Variants in RALYL observed in about 807,000 individuals in gnomAD.
RALYL encodes the protein RALY RNA binding protein like.
In RALYL, 29 loss-of-function variants were observed where a neutral mutation model predicts 35.1. The ratio of observed to expected loss-of-function variants is 0.83; its 90% CI spans 0.61 to 1.13. The LOEUF (loss-of-function observed/expected upper bound fraction) is 1.13, where lower values mean the gene tolerates loss of function less well. Ranked by LOEUF, RALYL falls within the 50% of genes most tolerant of loss-of-function variation. RALYL has a pLI of 0.00. For synonymous variants in RALYL, 120 were observed against 127.6 expected, an observed-to-expected ratio of 0.94 and a Z score of 0.40; for missense variants, 359 against 360.4, an observed-to-expected ratio of 1.00 and a Z score of 0.03.
At chr8:84,528,991 C>T (rs762141385) in intron 1 of RALYL, among the ~76,000 whole-genome samples, 2 of 152,082 alleles carry the variant, frequency 1.3e-5, no homozygotes. Flanking sequence ...TTTCCTCAAA[C>T]TTTCTTTTGC....
chr8:84,815,704 A>C (rs1248402001), intron 4 of RALYL, among the ~76,000 whole-genome samples: 1 of 152,060 alleles, frequency 6.6e-6, no homozygotes, highest in African/African-American at 2.4e-5. Context: ...TGATCTTGGA[A>C]ATAAGCTGAG....
intron 2 of RALYL, chr8:84,679,833 T>A (rs1305550751): frequency 5.0e-6 from 2 of 402,130 alleles, no homozygotes; most frequent in South Asian, 1.9e-5. Flanking sequence ...AGGGTCAGAC[T>A]CACATCTTTA....
At chr8:84,331,569 G>A (rs553950612) in intron 1 of RALYL, among the ~76,000 whole-genome samples, 4 of 152,148 alleles carry the variant, frequency 2.6e-5, no homozygotes, top group Admixed American at 2.0e-4. Flanking sequence ...AGAAGTGTTG[G>A]TCTATGCTCA....
chr8:84,288,832 C>T (rs1404352708), intron 1 of RALYL, among the ~76,000 whole-genome samples: 1 of 151,920 alleles, frequency 6.6e-6, no homozygotes, highest in East Asian at 1.9e-4. Flanking sequence ...TTCTTTTTTG[C>T]TATCGTAAAT....
At chr8:84,389,496 G>C (rs1445815419) in intron 1 of RALYL, among the ~76,000 whole-genome samples, 2 of 151,350 alleles carry the variant, frequency 1.3e-5, no homozygotes, top group South Asian at 2.1e-4. Context: ...TCTTCCATTT[G>C]TTTGTATCCT....
At chr8:84,691,372 A>G (rs16913106) in intron 2 of RALYL, among the ~76,000 whole-genome samples, 3,263 of 152,136 alleles carry the variant, frequency 0.021, 130 homozygotes, top group African/African-American at 0.074. Context: ...ATCTCTGGCT[A>G]TTTGCAAGTA....
chr8:84,419,868 C>T (rs1238161146), intron 1 of RALYL, among the ~76,000 whole-genome samples: 1 of 151,656 alleles, frequency 6.6e-6, no homozygotes. Context: ...CTACAAAGGA[C>T]ATTAACTCAT....
chr8:84,266,746 G>A (rs1336351712), intron 1 of RALYL, among the ~76,000 whole-genome samples: 2 of 152,074 alleles, frequency 1.3e-5, no homozygotes, highest in African/African-American at 4.8e-5. Context: ...GGATCACGAG[G>A]TCAGGAGATC....
In RALYL at chr8:84,803,399, T is replaced by C. The variant is rs188487511; in HGVS notation, c.333-1371T>C. ...TATAAAGCAAATATATCCAAACATT[T>C]TTCGTTGCTTCAGCTTTTCCCTCCC... On this transcript the variant is annotated intron_variant, in intron 3 of 8. Transcript: ENST00000521268. 1.9e-3 allele frequency among the ~76,000 whole-genome samples: 286 copies of C among 152,312 alleles called. 1 individual carries two copies. Among genetic ancestry groups the C allele is most frequent in the Middle Eastern group, 6.8e-3 (2 of 294 alleles).
At chr8:84,901,920 G>C (rs1687489200) in intron 8 of RALYL, among the ~76,000 whole-genome samples, 1 of 152,158 alleles carries the variant, frequency 6.6e-6, no homozygotes. Flanking sequence ...AAATAAGCAG[G>C]TGTGAGTCTT....
rs571085121 is a variant in RALYL, at chr8:84,831,267, G to A, written c.366-18713G>A. Among the ~76,000 whole-genome samples the A allele has an allele frequency of 1.2e-3, 187 of 152,260 alleles. No individual in the cohort carries two copies. In the Middle Eastern group the frequency reaches 0.014, roughly 11 times the overall value. Reference sequence around the variant, plus strand: ...AAATTTAAAAAGAGACTAACTTTAAGACAAAAGGTAAAATCGAACTCAGTT... The same window carrying A: ...AAATTTAAAAAGAGACTAACTTTAAAACAAAAGGTAAAATCGAACTCAGTT... On this transcript the variant is annotated intron_variant, in intron 4 of 8. Coordinates refer to ENST00000521268, the MANE Select transcript of RALYL (RefSeq NM_173848.7).
intron 6 of RALYL, among the ~76,000 whole-genome samples, chr8:84,870,577 GTATA>G (rs36230993): frequency 1.5e-3 from 228 of 148,388 alleles, no homozygotes; most frequent in Middle Eastern, 3.5e-3. Context: ...TATCTGTAAT[GTATA>G]TATATATATA....
chr8:84,389,024 A>T (rs537734083), intron 1 of RALYL, among the ~76,000 whole-genome samples: 1 of 152,114 alleles, frequency 6.6e-6, no homozygotes, highest in East Asian at 1.9e-4. Context: ...TTTGTATAAG[A>T]TGTAATGAAG....
Position 84,350,492 on chromosome 8 carries a change from T to C in RALYL, c.-24+166068T>C, listed in dbSNP as rs914248135. Among the ~76,000 whole-genome samples, 3 of 150,426 alleles carry C rather than the reference T, an allele frequency of 2.0e-5. 1 individual carries two copies. On this transcript the variant is annotated intron_variant, in intron 1 of 8. Coordinates refer to ENST00000521268, the MANE Select transcript of RALYL (RefSeq NM_173848.7). Reference sequence around the variant, plus strand: ...GTATTGTCCCTGGTCGAGACAGTACTACACTGGTCTGCTTGTGGGTTCCAG... The same window carrying C: ...GTATTGTCCCTGGTCGAGACAGTACCACACTGGTCTGCTTGTGGGTTCCAG...
At chr8:84,462,109 AT>A (rs1266061009) in intron 1 of RALYL, among the ~76,000 whole-genome samples, 9 of 151,472 alleles carry the variant, frequency 5.9e-5, no homozygotes, top group Admixed American at 1.3e-4. Flanking sequence ...TTTTGGTGTA[AT>A]CAGTTTTTTT....
At chr8:84,729,268 G>C (rs191036730) in intron 2 of RALYL, among the ~76,000 whole-genome samples, 24 of 151,988 alleles carry the variant, frequency 1.6e-4, no homozygotes, top group African/African-American at 5.5e-4. Flanking sequence ...TGATTTGGCT[G>C]TCTGTTTGTC....
chr8:84,415,779 A>G (rs888241887), intron 1 of RALYL, among the ~76,000 whole-genome samples: 1 of 152,170 alleles, frequency 6.6e-6, no homozygotes, highest in Non-Finnish European at 1.5e-5. Context: ...GTATAACTGT[A>G]TATGTGTATA....
intron 1 of RALYL, among the ~76,000 whole-genome samples, chr8:84,442,155 G>C (rs953052520): frequency 5.3e-5 from 8 of 151,746 alleles, no homozygotes; most frequent in African/African-American, 1.9e-4. Context: ...TCTCCTATGT[G>C]GTTTTCCTTT....
chr8:84,269,517 C>T (rs1833915099), intron 1 of RALYL, among the ~76,000 whole-genome samples: 1 of 152,070 alleles, frequency 6.6e-6, no homozygotes, highest in African/African-American at 2.4e-5. Context: ...AGTTTCAATT[C>T]CATTATCTAT....
Sources: allele counts gnomAD v4.1 joint callset (sites outside exome capture counted in the v4.1 genomes callset), GRCh38; gene constraint gnomAD v4.1.1; transcripts MANE v1.5; gene names NCBI Gene and HGNC (gene_info 2026-07-23, HGNC 2026-07-21).